Variants in GPC4 observed in about 807,000 individuals in gnomAD.
GPC4 encodes glypican 4.
GPC4 carries 10 observed loss-of-function variants against 35.0 expected under a neutral mutation model. The ratio of observed to expected loss-of-function variants is 0.29; its 90% CI spans 0.18 to 0.48. The LOEUF (loss-of-function observed/expected upper bound fraction) is 0.48, where lower values mean the gene tolerates loss of function less well. GPC4 is among the 20% of genes least tolerant of loss of function. GPC4 has a pLI of 0.99. For synonymous variants in GPC4, 167 were observed against 170.2 expected, an observed-to-expected ratio of 0.98 and a Z score of 0.15; for missense variants, 322 against 451.3, an observed-to-expected ratio of 0.71 and a Z score of 2.60.
At chrX:133,322,767 A>G (rs984566992) in intron 3 of GPC4, among the ~76,000 whole-genome samples, 3 of 112,147 alleles carry the variant, frequency 2.7e-5, no homozygotes, top group Non-Finnish European at 5.6e-5. Context: ...AAACAACCAA[A>G]TGGCCTCAGC....
intron 4 of GPC4, among the ~76,000 whole-genome samples, chrX:133,310,843 A>G (rs2124108799): frequency 9.0e-6 from 1 of 111,316 alleles, no homozygotes; most frequent in Non-Finnish European, 1.9e-5. Context: ...TCAAAAAGAC[A>G]CTTTCTCAGT....
intron 1 of GPC4, among the ~76,000 whole-genome samples, chrX:133,350,364 A>C (rs149609396): frequency 0.072 from 7,928 of 110,250 alleles, 303 homozygotes; most frequent in Middle Eastern, 0.12. Context: ...CTCTACAAAA[A>C]ATTTAAAAAT....
chrX:133,338,248 C>T (rs1038761878), intron 2 of GPC4, among the ~76,000 whole-genome samples: 3 of 111,571 alleles, frequency 2.7e-5, no homozygotes, highest in Non-Finnish European at 3.8e-5. Context: ...CATTTCATAT[C>T]TAGAAAATTT....
chrX:133,344,191 GTTTTTTTTTTTTTTT>G (rs747976050), intron 1 of GPC4, among the ~76,000 whole-genome samples: 1 of 38,887 alleles, frequency 2.6e-5, no homozygotes, highest in Non-Finnish European at 5.2e-5. Flanking sequence ...TTTCTTTCTG[GTTTTTTTTTTTTTTT>G]TTTTTTTTTT....
At chrX:133,307,469 A>C (rs2068295707) in intron 4 of GPC4, among the ~76,000 whole-genome samples, 1 of 92,071 alleles carries the variant, frequency 1.1e-5, no homozygotes, top group Non-Finnish European at 2.1e-5. Context: ...TGCAATTTTT[A>C]AAACAGTAAT....
chrX:133,409,941 C>A (rs764941630), intron 1 of GPC4, among the ~76,000 whole-genome samples: 1 of 111,493 alleles, frequency 9.0e-6, no homozygotes. Context: ...CCTCGCCAAC[C>A]CTTAACCCAA....
intron 1 of GPC4, among the ~76,000 whole-genome samples, chrX:133,378,289 C>T (rs1194571044): frequency 9.0e-6 from 1 of 111,348 alleles, no homozygotes; most frequent in Non-Finnish European, 1.9e-5. Context: ...TCCCGGGGGC[C>T]GGGCACGGTG....
At chrX:133,404,419 C>T (rs1472280638) in intron 1 of GPC4, among the ~76,000 whole-genome samples, 1 of 108,364 alleles carries the variant, frequency 9.2e-6, no homozygotes, top group Non-Finnish European at 1.9e-5. Flanking sequence ...TGGTGGGGCA[C>T]ACCTGTAATC....
intron 1 of GPC4, among the ~76,000 whole-genome samples, chrX:133,393,497 A>G (rs1190623375): frequency 4.0e-4 from 41 of 101,972 alleles, no homozygotes; most frequent in South Asian, 1.2e-3. Context: ...TAGAGAGAGA[A>G]AAAAAAAAAA....
chrX:133,381,145 A>T (rs770475024), intron 1 of GPC4, among the ~76,000 whole-genome samples: 1 of 112,016 alleles, frequency 8.9e-6, no homozygotes, highest in South Asian at 3.8e-4. Flanking sequence ...AGTGGGCCCC[A>T]GATACCAACA....
rs5975390 is a variant in GPC4, at chrX:133,301,016, C to A, written c.*1851G>T. The A allele has an allele frequency of 0.41, 44,166 of 107,769 alleles. 8,465 individuals carry two copies. The highest frequency in any genetic ancestry group is 0.72 in the African/African-American group (20,857 of 29,111). 8.9% of individuals were successfully genotyped at this position (107,769 alleles called of 1,213,427 possible). A position where few individuals can be genotyped will look rare whatever the true frequency, so the allele number is the denominator to read the frequency against. ...CTTCTGATTTGTTTTAAAAAAAAAA[C>A]CACTTATACACACCAGCCAGAATAT... On this transcript the variant is annotated 3_prime_UTR_variant, in exon 9 of 9. Coordinates refer to ENST00000370828, the MANE Select transcript of GPC4 (RefSeq NM_001448.3).
At chrX:133,383,706 G>A in intron 1 of GPC4, among the ~76,000 whole-genome samples, 1 of 111,365 alleles carries the variant, frequency 9.0e-6, no homozygotes, top group Non-Finnish European at 1.9e-5. Flanking sequence ...AACTAGCCAG[G>A]TGTTGTGGTG....
rs931766526 is a variant in GPC4 at position 133,355,086 on chromosome X, G to A, written c.161-15745C>T. Among the ~76,000 whole-genome samples the A allele has an allele frequency of 2.0e-4, 22 of 112,057 alleles. 1 individual carries two copies. Among genetic ancestry groups the A allele is most frequent in the Non-Finnish European group, 2.8e-4 (15 of 53,247 alleles). On this transcript the variant is annotated intron_variant, in intron 1 of 8. Coordinates refer to ENST00000370828, the MANE Select transcript of GPC4 (RefSeq NM_001448.3). ...CCAAATGAACTGCCTAAATAAGAAT[G>A]AGTTCTACCAGGCTATCCAGAAAGC...
intron 3 of GPC4, among the ~76,000 whole-genome samples, chrX:133,318,507 T>A (rs1486402707): frequency 8.9e-6 from 1 of 111,792 alleles, no homozygotes; most frequent in Non-Finnish European, 1.9e-5. Context: ...GGCAGGACAG[T>A]CATTTAGACA....
intron 7 of GPC4, 47 bp downstream of exon 7, chrX:133,304,678 G>A (rs767064729): frequency 2.4e-5 from 29 of 1,195,697 alleles, no homozygotes; most frequent in Non-Finnish European, 3.2e-5. Flanking sequence ...AGGTCACCCA[G>A]GCATCTAGGA....
In GPC4 at chrX:133,383,480, C is replaced by T. The variant is rs1400286844; in HGVS notation, c.160+31326G>A. On this transcript the variant is annotated intron_variant, in intron 1 of 8. Coordinates refer to ENST00000370828, the MANE Select transcript of GPC4 (RefSeq NM_001448.3). Reference sequence around the variant, plus strand: ...TTTTAGGGCAGTGAAACTACCCTGTCTGATACAATAATGATGGATGCATGT... The same window carrying T: ...TTTTAGGGCAGTGAAACTACCCTGTTTGATACAATAATGATGGATGCATGT... 2.7e-5 allele frequency among the ~76,000 whole-genome samples: 3 copies of T among 110,770 alleles called. No homozygotes were observed. The Admixed American group carries it at 2.9e-4, about 11-fold the overall frequency.
intron 2 of GPC4, among the ~76,000 whole-genome samples, chrX:133,326,611 C>T (rs1399363371): frequency 8.9e-6 from 1 of 112,281 alleles, no homozygotes. Flanking sequence ...AAACTTCTCC[C>T]ATTTCACCTA....
intron 1 of GPC4, among the ~76,000 whole-genome samples, chrX:133,350,667 G>C (rs1427357353): frequency 8.9e-6 from 1 of 112,260 alleles, no homozygotes; most frequent in African/African-American, 3.2e-5. Context: ...TAATGTCTGT[G>C]CTTAATTACA....
chrX:133,311,432 T>A lies in GPC4; in HGVS notation c.712-9A>T, dbSNP rs1191108658. 1 of 1,205,897 alleles carries A rather than the reference T, an allele frequency of 8.3e-7. No homozygotes were observed. On this transcript the variant is annotated splice_polypyrimidine_tract_variant and intron_variant, in intron 3 of 8. Coordinates refer to ENST00000370828, the MANE Select transcript of GPC4 (RefSeq NM_001448.3). ...TGGGCTGTGGGGTTTACCTAATGTGTGAAAAGAAAAAAAGACAGTAGTGGC... is the reference window on the plus strand; with the variant it reads ...TGGGCTGTGGGGTTTACCTAATGTGAGAAAAGAAAAAAAGACAGTAGTGGC...
Sources: gnomAD v4.1 joint callset for allele counts (sites outside exome capture counted in the v4.1 genomes callset) on GRCh38, gnomAD v4.1.1 for gene constraint, MANE v1.5 for transcripts, NCBI Gene and HGNC (gene_info 2026-07-23, HGNC 2026-07-21) for gene names.